The following CTNND2 variants were observed in gnomAD, a reference collection of about 807,000 sequenced individuals.
The protein encoded by CTNND2 is catenin delta-2.
Under a neutral mutation model 144.4 loss-of-function variants are expected in CTNND2, and 22 were observed. That is an observed-to-expected ratio of 0.15 (90% CI 0.11 to 0.22). CTNND2 has a LOEUF of 0.22. Ranked by LOEUF, CTNND2 falls within the 10% of genes least tolerant of loss-of-function variation. The pLI, the probability that CTNND2 is intolerant of heterozygous loss-of-function variation, is 1.00. For missense variants in CTNND2, 1,353 were observed against 1,618.8 expected (o/e 0.84, Z 2.82); for synonymous variants, 751 against 695.6 (o/e 1.08, Z -1.25).
rs1005499940 is a variant in CTNND2 at position 11,384,054 on chromosome 5, T to A, written c.1177+611A>T. The stretch of plus-strand genomic sequence containing the variant: ...ATCATTGCTAACTTTGTCGCAAATG[T>A]TAGGACCCAAGTACATCCAATGACA... On this transcript the variant is annotated intron_variant, in intron 7 of 21. Coordinates refer to ENST00000304623, the MANE Select transcript of CTNND2 (RefSeq NM_001332.4). This position sits in a 1 kb window ranked among gnomAD's most constrained non-coding sequence, Gnocchi z 5.2. 1.3e-5 allele frequency among the ~76,000 whole-genome samples: 2 copies of A among 152,178 alleles called. No homozygotes were observed. The highest frequency in any genetic ancestry group is 2.9e-5 in the Non-Finnish European group (2 of 68,038).
chr5:11,381,974 CAAAAAAACAAAACAA>C (rs1758531458), intron 7 of CTNND2, among the ~76,000 whole-genome samples: 2 of 144,182 alleles, frequency 1.4e-5, no homozygotes, highest in South Asian at 4.7e-4. Flanking sequence ...CTCAAAAAAA[CAAAAAAACAAAACAA>C]AACAAAACAA....
At position 11,570,144 on chromosome 5, in the gene CTNND2, G is replaced by A. The variant is rs563075399; in HGVS notation, c.175-5088C>T. On this transcript the variant is annotated intron_variant, in intron 2 of 21. Coordinates refer to ENST00000304623, the MANE Select transcript of CTNND2 (RefSeq NM_001332.4). ...GACTTATCAAACCCCAAACTCCTCC[G>A]ATTTGTATAAAACTTCTCTTCACAC... Among the ~76,000 whole-genome samples the A allele has an allele frequency of 3.2e-4, 49 of 152,208 alleles. No homozygotes were observed. The East Asian group carries it at 7.0e-3, about 22-fold the overall frequency.
At chr5:11,222,618 T>C (rs254125) in intron 10 of CTNND2, among the ~76,000 whole-genome samples, 130,504 of 152,110 alleles carry the variant, frequency 0.86, 56,128 homozygotes, top group East Asian at 0.97. Flanking sequence ...TCATCCTGGG[T>C]AACATAGGGA....
chr5:11,696,648 T>C (rs1473980610), intron 2 of CTNND2, among the ~76,000 whole-genome samples: 9 of 152,210 alleles, frequency 5.9e-5, no homozygotes, highest in Non-Finnish European at 1.3e-4. Context: ...TGAGCGCTCA[T>C]TGTTCAAATT....
intron 14 of CTNND2, among the ~76,000 whole-genome samples, chr5:11,107,925 G>T (rs1424892367): frequency 6.6e-6 from 1 of 152,176 alleles, no homozygotes; most frequent in Non-Finnish European, 1.5e-5. Context: ...GGCCACCATA[G>T]GCCACAGTGT....
At chr5:11,027,477 T>C (rs1048818651) in intron 16 of CTNND2, among the ~76,000 whole-genome samples, 1 of 152,018 alleles carries the variant, frequency 6.6e-6, no homozygotes, top group African/African-American at 2.4e-5. Context: ...ACAATGACTA[T>C]ATGTCTGATT....
chr5:11,803,074 C>T (rs1367916183), intron 1 of CTNND2, among the ~76,000 whole-genome samples: 2 of 152,120 alleles, frequency 1.3e-5, no homozygotes, highest in African/African-American at 4.8e-5. Flanking sequence ...GTAATGCCAG[C>T]ACTTTGGGAG....
chr5:11,200,794 T>C (rs1460437079), intron 10 of CTNND2, among the ~76,000 whole-genome samples: 1 of 152,210 alleles, frequency 6.6e-6, no homozygotes, highest in Non-Finnish European at 1.5e-5. Context: ...TTCTCCTGCC[T>C]CAGCCTCCCG....
At chr5:11,261,552 C>G (rs1744859097) in intron 9 of CTNND2, among the ~76,000 whole-genome samples, 1 of 152,232 alleles carries the variant, frequency 6.6e-6, no homozygotes, top group Non-Finnish European at 1.5e-5. Flanking sequence ...ATCTCAGACA[C>G]TAAAGCAGCC....
chr5:11,566,007 A>T (rs1777063868), intron 2 of CTNND2, among the ~76,000 whole-genome samples: 1 of 152,206 alleles, frequency 6.6e-6, no homozygotes. Flanking sequence ...AAAATAGCTC[A>T]GGAGTCAGTT....
At chr5:11,449,008 AT>A (rs879926234) in intron 3 of CTNND2, among the ~76,000 whole-genome samples, 521 of 145,128 alleles carry the variant, frequency 3.6e-3, no homozygotes, top group Admixed American at 6.1e-3. Flanking sequence ...TGGCCTCAGA[AT>A]TTTTTTTTTT....
intron 2 of CTNND2, among the ~76,000 whole-genome samples, chr5:11,574,513 C>A (rs1465955750): frequency 6.6e-6 from 1 of 152,060 alleles, no homozygotes; most frequent in Non-Finnish European, 1.5e-5. Flanking sequence ...AATAATAGCA[C>A]AAATTTCTTT....
At chr5:11,674,802 T>C (rs1784086513) in intron 2 of CTNND2, among the ~76,000 whole-genome samples, 1 of 152,158 alleles carries the variant, frequency 6.6e-6, no homozygotes, top group South Asian at 2.1e-4. Context: ...CTCAGCTCAC[T>C]GCAACCTCTG....
At position 11,411,527 on chromosome 5, in the gene CTNND2, G is replaced by A. The variant is rs369427365; in HGVS notation, c.439+9C>T. On this transcript the variant is annotated intron_variant, in intron 5 of 21. Coordinates refer to ENST00000304623, the MANE Select transcript of CTNND2 (RefSeq NM_001332.4). ...AACTATCTTCAAGCATAACTGCCAC[G>A]TGACTTACTTTCACCTGTAGAATAA... The A allele has an allele frequency of 1.8e-5, 26 of 1,408,006 alleles. No homozygotes were observed. The highest frequency in any genetic ancestry group is 1.1e-4 in the East Asian group (5 of 43,798). 87.2% of individuals were successfully genotyped at this position (1,408,006 alleles called of 1,614,324 possible).
At chr5:11,505,378 C>T (rs1293362982) in intron 3 of CTNND2, among the ~76,000 whole-genome samples, 1 of 152,140 alleles carries the variant, frequency 6.6e-6, no homozygotes, top group Non-Finnish European at 1.5e-5. Context: ...AGAAAAGGCA[C>T]GGGCTCCTCA....
intron 2 of CTNND2, among the ~76,000 whole-genome samples, chr5:11,648,599 A>C (rs1782482137): frequency 6.6e-6 from 1 of 152,164 alleles, no homozygotes; most frequent in Non-Finnish European, 1.5e-5. Flanking sequence ...CTGTTTTGCT[A>C]TAAAGTTACA....
intron 2 of CTNND2, among the ~76,000 whole-genome samples, chr5:11,652,293 C>G (rs553589926): frequency 1.5e-4 from 23 of 152,186 alleles, no homozygotes; most frequent in African/African-American, 4.3e-4. Context: ...CACCTGCTTC[C>G]CTTTTGCCTT....
intron 16 of CTNND2, among the ~76,000 whole-genome samples, chr5:11,074,654 T>C (rs1441240580): frequency 6.6e-6 from 1 of 152,162 alleles, no homozygotes; most frequent in East Asian, 1.9e-4. Flanking sequence ...ATAACGAAGA[T>C]TTTCCCTGTT....
intron 19 of CTNND2, among the ~76,000 whole-genome samples, chr5:10,990,397 C>T (rs1484343552): frequency 6.6e-6 from 1 of 152,234 alleles, no homozygotes; most frequent in Admixed American, 6.5e-5. Flanking sequence ...CAACTGGGCT[C>T]TGCATCCAGT....
Sources: allele counts gnomAD v4.1 joint callset (sites outside exome capture counted in the v4.1 genomes callset), GRCh38; gene constraint gnomAD v4.1.1; non-coding constraint Gnocchi (gnomAD v3.1); transcripts MANE v1.5; gene names NCBI Gene and HGNC (gene_info 2026-07-23, HGNC 2026-07-21).